Variants in PLPPR1 observed in about 807,000 individuals in gnomAD.
PLPPR1 encodes the protein phospholipid phosphatase related 1.
PLPPR1 carries 10 observed loss-of-function variants against 33.1 expected under a neutral mutation model. The ratio of observed to expected loss-of-function variants is 0.30; its 90% CI spans 0.19 to 0.51. The LOEUF (loss-of-function observed/expected upper bound fraction) is 0.51. Among genes scored for constraint, PLPPR1 ranks in the 20% least tolerant of loss-of-function variants. PLPPR1 has a pLI of 0.97. For missense variants in PLPPR1, 304 were observed against 408.1 expected, an observed-to-expected ratio of 0.74 and a Z score of 2.20; for synonymous variants, 151 against 151.0, an observed-to-expected ratio of 1.00 and a Z score of 0.00.
intron 1 of PLPPR1, among the ~76,000 whole-genome samples, chr9:101,122,540 TATTTA>T (rs762897405): frequency 5.3e-5 from 8 of 152,214 alleles, no homozygotes; most frequent in Non-Finnish European, 1.0e-4. Context: ...TTAAGGTTGA[TATTTA>T]ATTTAAAACA....
At chr9:101,303,322 AAGG>A (rs1173409175) in intron 4 of PLPPR1, among the ~76,000 whole-genome samples, 1 of 139,952 alleles carries the variant, frequency 7.1e-6, no homozygotes, top group African/African-American at 2.7e-5. Context: ...GTTGTTTGAG[AAGG>A]AGTTTTACTC....
At chr9:101,045,993 C>T (rs575175468) in intron 1 of PLPPR1, among the ~76,000 whole-genome samples, 1 of 152,238 alleles carries the variant, frequency 6.6e-6, no homozygotes, top group Non-Finnish European at 1.5e-5. Context: ...TGAAAACCAA[C>T]AAAAAATCAT....
intron 7 of PLPPR1, among the ~76,000 whole-genome samples, chr9:101,323,233 G>T (rs1227655766): frequency 6.6e-6 from 1 of 152,160 alleles, no homozygotes; most frequent in South Asian, 2.1e-4. Context: ...AGTAGCTTGT[G>T]CCTGTAATCC....
At chr9:101,319,037 A>G (rs1286627785) in intron 7 of PLPPR1, among the ~76,000 whole-genome samples, 1 of 152,192 alleles carries the variant, frequency 6.6e-6, no homozygotes, top group Non-Finnish European at 1.5e-5. Context: ...AAGCATTTTT[A>G]TAGAAGATAT....
intron 1 of PLPPR1, among the ~76,000 whole-genome samples, chr9:101,038,294 A>G (rs1830035066): frequency 6.6e-6 from 1 of 152,102 alleles, no homozygotes; most frequent in Admixed American, 6.6e-5. Flanking sequence ...AGCTCAGTTG[A>G]TATATCTTAG....
At position 101,297,571 on chromosome 9, in the gene PLPPR1, T is replaced by C. The variant is rs1828671344; in HGVS notation, c.385+11335T>C. On this transcript the variant is annotated intron_variant, in intron 4 of 7. Transcript: ENST00000374874. Reference sequence around the variant, plus strand: ...ATTTTTCCCCCCAACCTTCTCATTATAAGAAAGCTGCCTGTCCTCCCAGGC... The same window carrying C: ...ATTTTTCCCCCCAACCTTCTCATTACAAGAAAGCTGCCTGTCCTCCCAGGC... 2.6e-5 allele frequency among the ~76,000 whole-genome samples: 4 copies of C among 152,314 alleles called. No individual in the cohort carries two copies. In the South Asian group the frequency reaches 8.3e-4, roughly 32 times the overall value.
intron 1 of PLPPR1, among the ~76,000 whole-genome samples, chr9:101,043,727 T>C (rs1830111155): frequency 6.6e-6 from 1 of 152,180 alleles, no homozygotes; most frequent in African/African-American, 2.4e-5. Flanking sequence ...CCCCACTGTT[T>C]TCCATAGTGG....
At chr9:101,051,013 A>G (rs1189758390) in intron 1 of PLPPR1, among the ~76,000 whole-genome samples, 1 of 152,126 alleles carries the variant, frequency 6.6e-6, no homozygotes, top group Non-Finnish European at 1.5e-5. Flanking sequence ...CTTCCCGAAG[A>G]TGATCCTTTC....
chr9:101,300,987 A>G (rs1588117822), intron 4 of PLPPR1, among the ~76,000 whole-genome samples: 1 of 152,370 alleles, frequency 6.6e-6, no homozygotes, highest in East Asian at 1.9e-4. Context: ...AGGAGTAAAG[A>G]GGACATTCTT....
chr9:101,122,143 T>C (rs908431162), intron 1 of PLPPR1, among the ~76,000 whole-genome samples: 1 of 152,204 alleles, frequency 6.6e-6, no homozygotes. Context: ...GCTTTGAACG[T>C]GTATAAAGGG....
intron 1 of PLPPR1, among the ~76,000 whole-genome samples, chr9:101,153,745 T>C (rs1831632478): frequency 3.6e-5 from 4 of 110,852 alleles, no homozygotes; most frequent in African/African-American, 7.6e-5. Flanking sequence ...TGGCTATTTT[T>C]TTTGTATTTT....
chr9:101,080,100 C>A (rs1035285727), intron 1 of PLPPR1, among the ~76,000 whole-genome samples: 7 of 151,878 alleles, frequency 4.6e-5, no homozygotes, highest in Non-Finnish European at 8.8e-5. Context: ...TTTTTTTTCA[C>A]TGACAGTTCC....
At chr9:101,296,458 C>G (rs1164887422) in intron 4 of PLPPR1, among the ~76,000 whole-genome samples, 1 of 151,542 alleles carries the variant, frequency 6.6e-6, no homozygotes, top group Non-Finnish European at 1.5e-5. Context: ...GGTATATACC[C>G]AAAGGACTAT....
At chr9:101,037,726 TA>T (rs1171668753) in intron 1 of PLPPR1, among the ~76,000 whole-genome samples, 1 of 151,582 alleles carries the variant, frequency 6.6e-6, no homozygotes, top group African/African-American at 2.4e-5. Context: ...TCACAGGAAC[TA>T]AAAAATAGAA....
rs181353635 is a variant in PLPPR1 at position 101,181,799 on chromosome 9, T to A, written c.-45-3651T>A. On this transcript the variant is annotated intron_variant, in intron 1 of 7. Transcript: ENST00000374874. ...ACACACATACCTAATACACCAGATT[T>A]TCTTCATTCATTAATAATTGACACC... Among the ~76,000 whole-genome samples, 524 of 148,848 alleles carry A rather than the reference T, an allele frequency of 3.5e-3. 2 individuals are homozygous for A. The highest frequency in any genetic ancestry group is 0.012 in the African/African-American group (499 of 40,678).
At chr9:101,317,613 T>C (rs1200497381) in intron 7 of PLPPR1, 117 bp downstream of exon 7, 1 of 1,048,096 alleles carries the variant, frequency 9.5e-7, no homozygotes, top group East Asian at 2.5e-5. Context: ...GATTAATTTA[T>C]TGTAAAGGCC....
chr9:101,280,186 T>A (rs1828272709), intron 3 of PLPPR1, among the ~76,000 whole-genome samples: 1 of 152,060 alleles, frequency 6.6e-6, no homozygotes, highest in South Asian at 2.1e-4. Context: ...TTGCAAAACC[T>A]AGAGAAAATA....
At chr9:101,144,086 A>T (rs1441922121) in intron 1 of PLPPR1, among the ~76,000 whole-genome samples, 1 of 152,236 alleles carries the variant, frequency 6.6e-6, no homozygotes, top group African/African-American at 2.4e-5. Context: ...CTATGCAGTC[A>T]TAAAAAAGGA....
chr9:101,059,944 A>G (rs1421090758), intron 1 of PLPPR1, among the ~76,000 whole-genome samples: 2 of 152,014 alleles, frequency 1.3e-5, no homozygotes, highest in Non-Finnish European at 2.9e-5. Flanking sequence ...GAACTACAAT[A>G]TTATCCAGGA....
Sources: gnomAD v4.1 joint callset for allele counts (sites outside exome capture counted in the v4.1 genomes callset) on GRCh38, gnomAD v4.1.1 for gene constraint, MANE v1.5 for transcripts, NCBI Gene and HGNC (gene_info 2026-07-23, HGNC 2026-07-21) for gene names.